Variants in GIGYF2 observed in about 807,000 individuals in gnomAD.
GIGYF2 encodes the protein GRB10-interacting GYF protein 2.
In GIGYF2, 25 loss-of-function variants were observed where a neutral mutation model predicts 208.1. That is an observed-to-expected ratio of 0.12 (90% CI 0.09 to 0.17). The LOEUF (loss-of-function observed/expected upper bound fraction) is 0.17. Ranked by LOEUF, GIGYF2 falls within the 10% of genes least tolerant of loss-of-function variation. The probability of loss-of-function intolerance (pLI) is 1.00; values close to 1 mark genes in which losing one functional copy is unlikely to be tolerated. For synonymous variants in GIGYF2, 534 were observed against 543.8 expected (o/e 0.98, Z 0.25); for missense variants, 1,302 against 1,579.4 (o/e 0.82, Z 2.98).
chr2:232,821,961 G>C (rs1013314379), intron 21 of GIGYF2, among the ~76,000 whole-genome samples: 2 of 144,584 alleles, frequency 1.4e-5, no homozygotes, highest in Non-Finnish European at 3.0e-5. Flanking sequence ...TTTTTTACTG[G>C]ACTCTTCCCT....
At chr2:232,824,015 T>C (rs1310463779) in intron 21 of GIGYF2, among the ~76,000 whole-genome samples, 3 of 152,224 alleles carry the variant, frequency 2.0e-5, no homozygotes, top group Non-Finnish European at 4.4e-5. Flanking sequence ...GATGTCACTA[T>C]TGAAATTGTT....
chr2:232,798,380 A>T (rs999940434), intron 14 of GIGYF2, among the ~76,000 whole-genome samples: 1 of 152,208 alleles, frequency 6.6e-6, no homozygotes, highest in Non-Finnish European at 1.5e-5. Context: ...ATTTATGGAC[A>T]TGTTTTTGAG....
intron 1 of GIGYF2, among the ~76,000 whole-genome samples, chr2:232,702,326 C>G (rs1256537406): frequency 6.6e-6 from 1 of 152,026 alleles, no homozygotes; most frequent in Non-Finnish European, 1.5e-5. Context: ...GTAATCCTAG[C>G]TTCTCGGGAG....
At chr2:232,829,909 G>T (rs1701374415) in intron 21 of GIGYF2, among the ~76,000 whole-genome samples, 2 of 152,174 alleles carry the variant, frequency 1.3e-5, no homozygotes, top group Admixed American at 1.3e-4. Flanking sequence ...CAGTTGGCAG[G>T]CAGGGAAAGG....
intron 2 of GIGYF2, among the ~76,000 whole-genome samples, chr2:232,722,910 G>A (rs1488965152): frequency 6.6e-6 from 1 of 152,108 alleles, no homozygotes; most frequent in Non-Finnish European, 1.5e-5. Flanking sequence ...TGAGAAGATT[G>A]AAGCCATCAG....
At chr2:232,743,295 G>T (rs1472738225) in intron 3 of GIGYF2, among the ~76,000 whole-genome samples, 2 of 152,166 alleles carry the variant, frequency 1.3e-5, no homozygotes, top group Non-Finnish European at 2.9e-5. Flanking sequence ...ATAGCTAGAA[G>T]GGAAATGGCT....
chr2:232,728,670 C>T (rs192871233), intron 2 of GIGYF2, among the ~76,000 whole-genome samples: 9 of 152,042 alleles, frequency 5.9e-5, no homozygotes, highest in East Asian at 1.9e-4. Flanking sequence ...AGCTAGTGGC[C>T]GGTTACAAAT....
At chr2:232,808,311 C>G (rs1050467149) in intron 15 of GIGYF2, among the ~76,000 whole-genome samples, 5 of 152,182 alleles carry the variant, frequency 3.3e-5, no homozygotes, top group African/African-American at 1.2e-4. Flanking sequence ...TCTTACACAT[C>G]TCAGAAGCTA....
At chr2:232,720,585 T>TATATATATA (rs772814342) in intron 2 of GIGYF2, among the ~76,000 whole-genome samples, 19 of 126,310 alleles carry the variant, frequency 1.5e-4, no homozygotes, top group African/African-American at 5.5e-4. Flanking sequence ...ATATATATAT[T>TATATATATA]TTTGTTTGTT....
chr2:232,715,179 G>A (rs575677511), intron 2 of GIGYF2, among the ~76,000 whole-genome samples: 111 of 152,172 alleles, frequency 7.3e-4, no homozygotes, highest in African/African-American at 2.6e-3. Context: ...TGATTCATCC[G>A]TATTGCTGCA....
Position 232,832,980 on chromosome 2 carries a change from A to C in GIGYF2, c.2653A>C (p.Lys885Gln), listed in dbSNP as rs1701470518. The change falls in exon 22 of 29, where the codon AAG (lysine) becomes CAG (glutamine). Residue 885 changes from lysine to glutamine, a missense_variant. Transcript: ENST00000373563. ...GCATGAGGAAGAAGAACGGAAGAGA[A>C]AGGAGCTGGAGGTCCAGCGGCAGAA... ...LRHEEEERKRKELEVQRQKEL... is the reference protein window; with the variant it reads ...LRHEEEERKRQELEVQRQKEL... 3.8e-6 allele frequency: 6 copies of C among 1,575,746 alleles called. No individual in the cohort carries two copies. The East Asian group carries it at 1.4e-4, about 37-fold the overall frequency.
Position 232,772,774 on chromosome 2 carries a change from G to A in GIGYF2, c.532+11338G>A, listed in dbSNP as rs116432303. ...TCTTCCTTTAGAGGTAGATACCCTT[G>A]AGAGTGCTGCATACCCACTTCCTGC... On this transcript the variant is annotated intron_variant, in intron 8 of 28. Transcript: ENST00000373563. 9.7e-4 allele frequency among the ~76,000 whole-genome samples: 147 copies of A among 152,288 alleles called. 1 individual carries two copies. Among genetic ancestry groups the A allele is most frequent in the African/African-American group, 3.3e-3 (138 of 41,560 alleles).
chr2:232,759,433 T>G (rs939587523), intron 6 of GIGYF2, among the ~76,000 whole-genome samples: 4 of 151,884 alleles, frequency 2.6e-5, no homozygotes, highest in Non-Finnish European at 5.9e-5. Context: ...ACATAAAGTA[T>G]GAAGCTAAAA....
intron 27 of GIGYF2, among the ~76,000 whole-genome samples, chr2:232,848,462 C>T (rs1444794320): frequency 2.0e-5 from 3 of 152,002 alleles, no homozygotes; most frequent in Non-Finnish European, 2.9e-5. Context: ...GGTGAAATAC[C>T]GTCTCTACGA....
chr2:232,765,249 C>T (rs1256016530), intron 8 of GIGYF2: 1 of 152,146 alleles, frequency 6.6e-6, no homozygotes, highest in Non-Finnish European at 1.5e-5. Context: ...TTATATCTTA[C>T]ACTCTCCAAG....
intron 8 of GIGYF2, chr2:232,767,994 C>T (rs373505209): frequency 3.4e-6 from 2 of 586,912 alleles, no homozygotes; most frequent in Non-Finnish European, 6.0e-6. Context: ...CAGCAGGTAA[C>T]AAACTTTGTA....
chr2:232,761,479 A>AT, intron 8 of GIGYF2, 43 bp downstream of exon 8: 1 of 1,223,574 alleles, frequency 8.2e-7, no homozygotes, highest in Non-Finnish European at 1.2e-6. Flanking sequence ...TTTATTAAAA[A>AT]TTGACTCAGT....
chr2:232,792,696 A>G (rs1297404590), intron 12 of GIGYF2, among the ~76,000 whole-genome samples: 1 of 152,180 alleles, frequency 6.6e-6, no homozygotes, highest in Non-Finnish European at 1.5e-5. Context: ...CTCAGCAAGT[A>G]TTTGAATCTG....
chr2:232,832,950 C>G lies in GIGYF2; in HGVS notation c.2623C>G (p.Leu875Val). ...GCGGATGGAAGAGGAGGCAGCCAGA[C>G]TCCGGCATGAGGAAGAAGAACGGAA... ...RLRMEEEAAR[L>V]RHEEEERKRK... The change falls in exon 22 of 29, where the codon CTC becomes GTC. Residue 875 changes from leucine to valine, a missense_variant. Coordinates refer to ENST00000373563, the MANE Select transcript of GIGYF2 (RefSeq NM_001103146.3). The G allele has an allele frequency of 6.4e-7, 1 of 1,570,852 alleles. No homozygotes were observed.
Sources: allele counts gnomAD v4.1 joint callset (sites outside exome capture counted in the v4.1 genomes callset), GRCh38; gene constraint gnomAD v4.1.1; transcripts MANE v1.5; gene names NCBI Gene and HGNC (gene_info 2026-07-23, HGNC 2026-07-21).